Variants in ATR observed in about 807,000 individuals in gnomAD.
ATR encodes the protein ATR checkpoint kinase.
Under a neutral mutation model 305.3 loss-of-function variants are expected in ATR, and 142 were observed. The observed-to-expected ratio is 0.47, with a 90% CI of 0.41 to 0.53. The LOEUF is 0.53. Ranked by LOEUF, ATR falls within the 20% of genes least tolerant of loss-of-function variation. ATR has a pLI of 0.00. For synonymous variants in ATR, 1,050 were observed against 1,068.1 expected (o/e 0.98, Z 0.33); for missense variants, 2,135 against 3,133.1 (o/e 0.68, Z 7.60).
Position 142,512,241 on chromosome 3 carries a change from A to G in ATR, c.4852+19T>C. The G allele has an allele frequency of 6.3e-7, 1 of 1,586,620 alleles. No individual in the cohort carries two copies. Among genetic ancestry groups the G allele is most frequent in the Admixed American group, 1.7e-5 (1 of 59,472 alleles). On this transcript the variant is annotated intron_variant, in intron 27 of 46. Transcript: ENST00000350721. ...TAGCTAAAAAAAAAAAAAAAAAAGAAACAGAAGTGATAACTCACCCATTGA... is the reference window on the plus strand; with the variant it reads ...TAGCTAAAAAAAAAAAAAAAAAAGAGACAGAAGTGATAACTCACCCATTGA...
intron 36 of ATR, among the ~76,000 whole-genome samples, chr3:142,475,248 A>C (rs1306781551): frequency 6.6e-6 from 1 of 151,242 alleles, no homozygotes; most frequent in Non-Finnish European, 1.5e-5. Context: ...TCCCTCCCCC[A>C]GCCCCTCACC....
chr3:142,555,781 C>T (rs2034647442), intron 10 of ATR, 96 bp downstream of exon 10: 12 of 1,405,546 alleles, frequency 8.5e-6, no homozygotes, highest in Non-Finnish European at 1.2e-5. Context: ...ATGTAACTTC[C>T]TGTAATTTTT....
chr3:142,477,337 C>CTATTGACATAA (rs1242881891), intron 36 of ATR, among the ~76,000 whole-genome samples: 10 of 152,182 alleles, frequency 6.6e-5, no homozygotes, highest in African/African-American at 2.4e-4. Flanking sequence ...TTTTCTGCAT[C>CTATTGACATAA]TATTGACATA....
intron 27 of ATR, among the ~76,000 whole-genome samples, chr3:142,509,997 C>T (rs914093662): frequency 4.0e-5 from 6 of 151,676 alleles, no homozygotes; most frequent in Non-Finnish European, 7.4e-5. Context: ...GTGCCTGTAG[C>T]CCCAGCTACT....
At position 142,515,532 on chromosome 3, in the gene ATR, T is replaced by C. The variant is rs1336621910; in HGVS notation, c.4383-17A>G. 1 of 1,602,718 alleles carries C rather than the reference T, an allele frequency of 6.2e-7. No individual in the cohort carries two copies. The highest frequency in any genetic ancestry group is 8.5e-7 in the Non-Finnish European group (1 of 1,170,532). On this transcript the variant is annotated splice_polypyrimidine_tract_variant and intron_variant, in intron 24 of 46. Coordinates refer to ENST00000350721, the MANE Select transcript of ATR (RefSeq NM_001184.4). ...CTCTTGTATCTGTAATTTTGAAAATTTGTTTATTAAAAAGATAAATCCACC... is the reference window on the plus strand; with the variant it reads ...CTCTTGTATCTGTAATTTTGAAAATCTGTTTATTAAAAAGATAAATCCACC...
intron 4 of ATR, 113 bp from the exon 5 acceptor site, chr3:142,561,534 A>G (rs2108485667): frequency 8.8e-7 from 1 of 1,131,916 alleles, no homozygotes; most frequent in Non-Finnish European, 1.3e-6. Flanking sequence ...AACTACTTTT[A>G]GAGTCTCATA....
chr3:142,541,132 G>A lies in ATR; in HGVS notation c.3451-98C>T, dbSNP rs900514196. On this transcript the variant is annotated intron_variant, in intron 17 of 46. Transcript: ENST00000350721. ...AGTGCTTCCCACCCAGTATCAGGGT[G>A]TCATCTATTCTCAGATAATACAAAA... 12 of 1,436,534 alleles carry A rather than the reference G, an allele frequency of 8.4e-6. No individual in the cohort carries two copies. The African/African-American group carries it at 1.4e-4, about 17-fold the overall frequency. 89.0% of individuals were successfully genotyped at this position (1,436,534 alleles called of 1,614,324 possible). A position where few individuals can be genotyped will look rare whatever the true frequency, so the allele number is the denominator to read the frequency against.
rs2108266359 is a variant in ATR at position 142,462,101 on chromosome 3, A to G, written c.7042-11T>C. Reference sequence around the variant, plus strand: ...ATCTTTTCTTAAGCACTGTTAAAAAATACACATAAATTTAAAAACAAGATA... The same window carrying G: ...ATCTTTTCTTAAGCACTGTTAAAAAGTACACATAAATTTAAAAACAAGATA... On this transcript the variant is annotated splice_polypyrimidine_tract_variant and intron_variant, in intron 41 of 46. Coordinates refer to ENST00000350721, the MANE Select transcript of ATR (RefSeq NM_001184.4). The G allele has an allele frequency of 6.2e-7, 1 of 1,607,334 alleles. No homozygotes were observed. The highest frequency in any genetic ancestry group is 8.5e-7 in the Non-Finnish European group (1 of 1,176,366).
intron 21 of ATR, among the ~76,000 whole-genome samples, chr3:142,533,105 C>G (rs186025570): frequency 6.6e-6 from 1 of 152,022 alleles, no homozygotes; most frequent in East Asian, 1.9e-4. Context: ...TCAAGACCAG[C>G]CTGGGCAACA....
At chr3:142,525,550 T>A (rs922621651) in intron 21 of ATR, among the ~76,000 whole-genome samples, 2 of 152,184 alleles carry the variant, frequency 1.3e-5, no homozygotes, top group South Asian at 2.1e-4. Flanking sequence ...AGCTTAGGTA[T>A]CTGTCCATTC....
rs190190168 is a variant in ATR at position 142,540,514 on chromosome 3, G to T, written c.3581+390C>A. 1.6e-4 allele frequency among the ~76,000 whole-genome samples: 25 copies of T among 152,136 alleles called. No individual in the cohort carries two copies. In the East Asian group the frequency reaches 4.6e-3, roughly 28 times the overall value. The stretch of plus-strand genomic sequence containing the variant: ...CTGCTAAGTATAATAATTCATGAAG[G>T]TTATTTTTTAAATGTCCTCATCCGT... On this transcript the variant is annotated intron_variant, in intron 18 of 46. Transcript: ENST00000350721.
At chr3:142,455,336 C>G (rs1274094174) in intron 45 of ATR, among the ~76,000 whole-genome samples, 1 of 152,064 alleles carries the variant, frequency 6.6e-6, no homozygotes, top group Non-Finnish European at 1.5e-5. Context: ...AGCAATACTC[C>G]CAAATTGTTA....
intron 5 of ATR, 133 bp from the exon 6 acceptor site, chr3:142,560,587 G>A (rs937488821): frequency 1.5e-5 from 10 of 661,820 alleles, no homozygotes; most frequent in African/African-American, 9.2e-5. Flanking sequence ...GTGAGACAGA[G>A]TCTCACTCTG....
At chr3:142,499,315 G>A in intron 31 of ATR, 1 of 281,296 alleles carries the variant, frequency 3.6e-6, no homozygotes, top group Non-Finnish European at 6.9e-6. Context: ...TTTTCTTTGA[G>A]ATGGAGTCTC....
rs78895258 is a variant in ATR at position 142,515,493 on chromosome 3, T to C, written c.4405A>G (p.Thr1469Ala). 4.9e-4 allele frequency: 786 copies of C among 1,611,830 alleles called. 2 individuals carry two copies. Among genetic ancestry groups the C allele is most frequent in the South Asian group, 1.0e-3 (94 of 91,046 alleles). The change falls in exon 25 of 47, where the codon ACC becomes GCC. Residue 1469 changes from threonine (T) to alanine (A), a missense_variant. This residue lies in a region of ATR where 202 missense variants were observed against 252.9 expected (regional missense o/e 0.80). Coordinates refer to ENST00000350721, the MANE Select transcript of ATR (RefSeq NM_001184.4). ...GGCTTCTTTACTCCAGACCAATCGGTTGACTTCTGAGAACTCTTGTATCTG... is the reference window on the plus strand; with the variant it reads ...GGCTTCTTTACTCCAGACCAATCGGCTGACTTCTGAGAACTCTTGTATCTG... Reference protein sequence around the residue: ...NTRYKSSQKSTDWSGVKKPIY... With the variant: ...NTRYKSSQKSADWSGVKKPIY...
At chr3:142,554,138 TCATATTTAAGTATGTATAGCACA>T (rs1371981938) in intron 10 of ATR, 123 bp from the exon 11 acceptor site, 1 of 832,360 alleles carries the variant, frequency 1.2e-6, no homozygotes, top group Non-Finnish European at 1.8e-6. Context: ...TGTCAATGTT[TCATATTTAAGTATGTATAGCACA>T]CAGAATTTTA....
rs1455160611 is a variant in ATR, at chr3:142,469,447, G to A, written c.6442C>T (p.Arg2148Ter). The A allele has an allele frequency of 5.6e-6, 9 of 1,613,672 alleles. No homozygotes were observed. The highest frequency in any genetic ancestry group is 4.5e-5 in the East Asian group (2 of 44,862). Residue 2148 changes from arginine (R) to a stop codon, truncating the protein, a stop_gained, in exon 38 of 47, where the codon CGA becomes TGA. Transcript: ENST00000350721. LOFTEE classifies it high-confidence loss of function. ...ACTTCATCGTGAGAATGACAAATTC[G>A]AGAGATCAATTGTGAAAAAGCAGTC... ...FLTAFSQLIS[R>*]ICHSHDEVFV...
In ATR at chr3:142,547,781, C is replaced by T. The variant is rs2034327410; in HGVS notation, c.3301G>A (p.Ala1101Thr). The T allele has an allele frequency of 6.2e-7, 1 of 1,613,934 alleles. No homozygotes were observed. The highest frequency in any genetic ancestry group is 8.5e-7 in the Non-Finnish European group (1 of 1,179,928). ...FNGLSILASF[A>T]SSDDPYQGPR... ...CCCTGATATGGATCATCACTGGATG[C>T]AAATGAGGCAAGTATTGACAAACCA... Residue 1101 changes from alanine (A) to threonine (T), a missense_variant, in exon 16 of 47, where the codon GCA becomes ACA. This residue lies in a region of ATR where 530 missense variants were observed against 766.8 expected (regional missense o/e 0.69). Coordinates refer to ENST00000350721, the MANE Select transcript of ATR (RefSeq NM_001184.4).
At chr3:142,549,297 C>A (rs949008032) in intron 15 of ATR, among the ~76,000 whole-genome samples, 182 bp downstream of exon 15, 1 of 151,970 alleles carries the variant, frequency 6.6e-6, no homozygotes, top group Non-Finnish European at 1.5e-5. Context: ...TCAAAGAAAA[C>A]AAAAGGAGAA....
Sources: allele counts gnomAD v4.1 joint callset (sites outside exome capture counted in the v4.1 genomes callset), GRCh38; gene constraint gnomAD v4.1.1; regional missense constraint gnomAD v4.1.1; transcripts MANE v1.5; gene names NCBI Gene and HGNC (gene_info 2026-07-23, HGNC 2026-07-21).